Variants in DAZL observed in about 807,000 individuals in gnomAD.
DAZL encodes the protein deleted in azoospermia-like.
In DAZL, 4 loss-of-function variants were observed where a neutral mutation model predicts 45.0. The observed-to-expected ratio is 0.09, with a 90% CI of 0.04 to 0.20. The LOEUF is 0.20. DAZL is among the 10% of genes least tolerant of loss of function. DAZL has a pLI of 1.00. For synonymous variants in DAZL, 122 were observed against 112.4 expected (o/e 1.09, Z -0.54); for missense variants, 326 against 351.3 (o/e 0.93, Z 0.58).
At chr3:16,600,877 G>A (rs1298669938) in intron 1 of DAZL, among the ~76,000 whole-genome samples, 4 of 152,176 alleles carry the variant, frequency 2.6e-5, no homozygotes, top group African/African-American at 7.2e-5. Context: ...TTCTCAACTG[G>A]GGAAGATTTT....
chr3:16,601,480 T>A (rs768479584), intron 1 of DAZL, among the ~76,000 whole-genome samples: 1 of 152,198 alleles, frequency 6.6e-6, no homozygotes, highest in Non-Finnish European at 1.5e-5. Context: ...TGTACTTCAT[T>A]TTTACCACGG....
intron 1 of DAZL, chr3:16,604,569 T>A: frequency 7.0e-7 from 1 of 1,427,556 alleles, no homozygotes; most frequent in South Asian, 1.5e-5. Flanking sequence ...CCCCCTCAGC[T>A]ACAGGGCCAT....
intron 7 of DAZL, among the ~76,000 whole-genome samples, chr3:16,594,868 C>T (rs1694574026): frequency 6.6e-6 from 1 of 152,002 alleles, no homozygotes; most frequent in South Asian, 2.1e-4. Flanking sequence ...TTATGGGTCA[C>T]AGATACAGTC....
At chr3:16,591,154 C>G (rs1300343843) in intron 10 of DAZL, among the ~76,000 whole-genome samples, 13 of 152,078 alleles carry the variant, frequency 8.5e-5, no homozygotes, top group Non-Finnish European at 1.0e-4. Flanking sequence ...ACCCAGAAAC[C>G]TTTAGTCCTG....
intron 7 of DAZL, 125 bp downstream of exon 7, chr3:16,595,185 AATTT>A (rs1266145529): frequency 4.4e-5 from 24 of 543,204 alleles, no homozygotes; most frequent in Admixed American, 2.8e-4. Flanking sequence ...ATTCTAGACT[AATTT>A]TTTTCTTAAA....
Position 16,592,091 on chromosome 3 carries a change from T to G in DAZL, c.793A>C (p.Arg265=). 1 of 1,613,894 alleles carries G rather than the reference T, an allele frequency of 6.2e-7. No individual in the cohort carries two copies. The change falls in exon 10 of 11, where the codon AGA becomes CGA. Residue 265 remains arginine (R), a synonymous_variant. Coordinates refer to ENST00000399444, the MANE Select transcript of DAZL (RefSeq NM_001351.4). Reference sequence around the variant, plus strand: ...TGAGTAACAACAGAGTTTCTCAGTCTGTTCTCTGGATTAAACAGACAAGAT... The same window carrying G: ...TGAGTAACAACAGAGTTTCTCAGTCGGTTCTCTGGATTAAACAGACAAGAT... The part of the protein sequence containing the change: ...VVSCLFNPEN[R]LRNSVVTQDD...
chr3:16,597,975 A>G, intron 3 of DAZL, 112 bp downstream of exon 3: 1 of 1,172,038 alleles, frequency 8.5e-7, no homozygotes, highest in Non-Finnish European at 1.2e-6. Flanking sequence ...TCTACATGAA[A>G]GAAATTAACA....
At chr3:16,594,509 A>G (rs1370693091) in intron 8 of DAZL, 24 bp downstream of exon 8, 1 of 1,555,304 alleles carries the variant, frequency 6.4e-7, no homozygotes, top group Non-Finnish European at 8.8e-7. Context: ...AACAGGAATT[A>G]TATGTTTGGC....
At chr3:16,602,157 T>A (rs761226050) in intron 1 of DAZL, among the ~76,000 whole-genome samples, 2 of 151,836 alleles carry the variant, frequency 1.3e-5, no homozygotes, top group African/African-American at 2.4e-5. Flanking sequence ...CAATAAACAA[T>A]CCTGGCAAAA....
intron 10 of DAZL, among the ~76,000 whole-genome samples, chr3:16,589,890 T>C (rs1389515154): frequency 5.5e-5 from 8 of 146,198 alleles, no homozygotes; most frequent in Non-Finnish European, 7.5e-5. Context: ...ATAGTAAGAT[T>C]CTGTCTCTTA....
chr3:16,595,198 A>T, intron 7 of DAZL, 116 bp downstream of exon 7: 1 of 580,226 alleles, frequency 1.7e-6, no homozygotes, highest in Non-Finnish European at 3.0e-6. Context: ...TTTTTTCTTA[A>T]ATTTTAGGTA....
At chr3:16,594,477 AC>A in intron 8 of DAZL, 55 bp downstream of exon 8, 1 of 1,326,540 alleles carries the variant, frequency 7.5e-7, no homozygotes. Flanking sequence ...ATATAGTTAA[AC>A]AAAAAAAAAT....
Position 16,587,529 on chromosome 3 carries a change from T to G in DAZL, c.*1131A>C, listed in dbSNP as rs1330566192. On this transcript the variant is annotated 3_prime_UTR_variant, in exon 11 of 11. Coordinates refer to ENST00000399444, the MANE Select transcript of DAZL (RefSeq NM_001351.4). The stretch of plus-strand genomic sequence containing the variant: ...AGGCTGGAAACGAAAGACTGTGGTA[T>G]AGCAAAAGGGCTCTGATGCTCTAGC... 6.6e-6 allele frequency: 1 copy of G among 151,568 alleles called. No individual in the cohort carries two copies. The highest frequency in any genetic ancestry group is 1.5e-5 in the Non-Finnish European group (1 of 67,836). 9.4% of individuals were successfully genotyped at this position (151,568 alleles called of 1,614,324 possible). A position where few individuals can be genotyped will look rare whatever the true frequency, so the allele number is the denominator to read the frequency against.
intron 4 of DAZL, 103 bp downstream of exon 4, chr3:16,597,387 G>T (rs1197957088): frequency 3.4e-6 from 3 of 884,410 alleles, no homozygotes; most frequent in Admixed American, 1.9e-5. Context: ...TTTTTGACCA[G>T]AAAGTGTATC....
rs1694455327 is a variant in DAZL, at chr3:16,587,546, T to C, written c.*1114A>G. On this transcript the variant is annotated 3_prime_UTR_variant, in exon 11 of 11. Coordinates refer to ENST00000399444, the MANE Select transcript of DAZL (RefSeq NM_001351.4). ...CTGTGGTATAGCAAAAGGGCTCTGA[T>C]GCTCTAGCTGTTTGTCACAATGTAA... The C allele has an allele frequency of 6.6e-6, 1 of 152,622 alleles. No homozygotes were observed. The highest frequency in any genetic ancestry group is 6.5e-5 in the Admixed American group (1 of 15,272). 9.5% of individuals were successfully genotyped at this position (152,622 alleles called of 1,614,324 possible).
chr3:16,596,356 C>T (rs1694599374), intron 6 of DAZL, among the ~76,000 whole-genome samples: 1 of 151,946 alleles, frequency 6.6e-6, no homozygotes, highest in South Asian at 2.1e-4. Context: ...CAGAAGTCAG[C>T]AATTTATATG....
At chr3:16,598,252 G>C (rs563266429) in intron 2 of DAZL, 74 bp from the exon 3 acceptor site, 7 of 1,437,696 alleles carry the variant, frequency 4.9e-6, no homozygotes, top group Admixed American at 1.7e-5. Context: ...AAGAAGGTTC[G>C]ATGATGTGAC....
chr3:16,600,117 C>T, intron 1 of DAZL, among the ~76,000 whole-genome samples: 1 of 152,044 alleles, frequency 6.6e-6, no homozygotes, highest in Non-Finnish European at 1.5e-5. Context: ...ATTTAAAAAT[C>T]ATTGGTGAAG....
chr3:16,590,070 C>T (rs1694493981), intron 10 of DAZL, among the ~76,000 whole-genome samples: 1 of 151,542 alleles, frequency 6.6e-6, no homozygotes, highest in African/African-American at 2.4e-5. Flanking sequence ...GAGGTCACCT[C>T]AAAAAAACAA....
Sources: gnomAD v4.1 joint callset for allele counts (sites outside exome capture counted in the v4.1 genomes callset) on GRCh38, gnomAD v4.1.1 for gene constraint, MANE v1.5 for transcripts, NCBI Gene and HGNC (gene_info 2026-07-23, HGNC 2026-07-21) for gene names.